Variants in WDR59 observed in about 807,000 individuals in gnomAD.
WDR59 encodes the protein WD repeat domain 59.
A neutral mutation model predicts 131.2 loss-of-function variants in WDR59; 100 were observed. That is an observed-to-expected ratio of 0.76 (90% CI 0.65 to 0.90). The LOEUF is 0.90. Among genes scored for constraint, WDR59 ranks in the 40% least tolerant of loss-of-function variants. The probability of loss-of-function intolerance (pLI) is 0.00; values close to 1 mark genes in which losing one functional copy is unlikely to be tolerated. For synonymous variants in WDR59, 601 were observed against 466.2 expected, an observed-to-expected ratio of 1.29 and a Z score of -3.72; for missense variants, 1,203 against 1,262.2, an observed-to-expected ratio of 0.95 and a Z score of 0.71.
chr16:74,926,848 T>C (rs979613568), intron 8 of WDR59, among the ~76,000 whole-genome samples: 3 of 152,184 alleles, frequency 2.0e-5, no homozygotes, highest in African/African-American at 7.2e-5. Flanking sequence ...TGGGTGACTT[T>C]TTCTCCTCTC....
rs138440641 is a variant in WDR59, at chr16:74,917,734, G to T, written c.966+195C>A. ...TGACGCAGGAGAATCGCTTGAACCC[G>T]GGAGGCAGAGGTTGCAGTGAGCCAA... On this transcript the variant is annotated intron_variant, in intron 11 of 25. Transcript: ENST00000262144. 7.6e-3 allele frequency among the ~76,000 whole-genome samples: 1,142 copies of T among 149,762 alleles called. 16 individuals are homozygous for T. Among genetic ancestry groups the T allele is most frequent in the African/African-American group, 0.027 (1,089 of 40,750 alleles).
Position 74,921,973 on chromosome 16 carries a change from T to C in WDR59, c.860A>G (p.Glu287Gly), listed in dbSNP as rs1368670525. Reference sequence around the variant, plus strand: ...TTCCTTCTGCTTCCTCCACTGGAACTCCAGGACCACATCATCATGCCCCAC... The same window carrying C: ...TTCCTTCTGCTTCCTCCACTGGAACCCCAGGACCACATCATCATGCCCCAC... ...TFVGHDDVVL[E>G]FQWRKQKEGS... The change falls in exon 10 of 26, where the codon GAG (glutamate) becomes GGG (glycine). Residue 287 changes from glutamate to glycine, a missense_variant. By Grantham distance (98) the Glu-to-Gly change is moderately conservative. Transcript: ENST00000262144. 2.5e-6 allele frequency: 4 copies of C among 1,614,138 alleles called. No homozygotes were observed. The highest frequency in any genetic ancestry group is 3.4e-6 in the Non-Finnish European group (4 of 1,180,018).
intron 3 of WDR59, among the ~76,000 whole-genome samples, chr16:74,954,476 A>G (rs1476738962): frequency 6.6e-6 from 1 of 152,176 alleles, no homozygotes; most frequent in Non-Finnish European, 1.5e-5. Context: ...GGATGGCTAT[A>G]ATTTTTTTAA....
rs189423890 is a variant in WDR59, at chr16:74,925,989, A to T, written c.652-1986T>A. Among the ~76,000 whole-genome samples, 20 of 102,082 alleles carry T rather than the reference A, an allele frequency of 2.0e-4. No homozygotes were observed. In the East Asian group the frequency reaches 5.9e-3, roughly 30 times the overall value. 67.0% of individuals were successfully genotyped at this position (102,082 alleles called of 152,430 possible). A position where few individuals can be genotyped will look rare whatever the true frequency, so the allele number is the denominator to read the frequency against. On this transcript the variant is annotated intron_variant, in intron 8 of 25. Coordinates refer to ENST00000262144, the MANE Select transcript of WDR59 (RefSeq NM_030581.4). Reference sequence around the variant, plus strand: ...AACAGAGCACGATCCTGTCTCAAAAAAAAATGTTTTTAATAAAAAAAAAAA... The same window carrying T: ...AACAGAGCACGATCCTGTCTCAAAATAAAATGTTTTTAATAAAAAAAAAAA...
At chr16:74,941,784 A>G (rs2032251166) in intron 7 of WDR59, among the ~76,000 whole-genome samples, 1 of 152,046 alleles carries the variant, frequency 6.6e-6, no homozygotes, top group Non-Finnish European at 1.5e-5. Context: ...CTTCTGCCAC[A>G]TAAGGCTTCC....
intron 25 of WDR59, among the ~76,000 whole-genome samples, chr16:74,877,012 G>A (rs1005707332): frequency 2.6e-5 from 4 of 151,910 alleles, no homozygotes; most frequent in Non-Finnish European, 4.4e-5. Flanking sequence ...GGAGGCTGGG[G>A]CTACACTAGA....
At chr16:74,907,677 A>C (rs970992412) in intron 17 of WDR59, among the ~76,000 whole-genome samples, 2 of 152,164 alleles carry the variant, frequency 1.3e-5, no homozygotes, top group Non-Finnish European at 2.9e-5. Context: ...TGCAGCAGGG[A>C]GGTTTGCAAC....
intron 8 of WDR59, among the ~76,000 whole-genome samples, chr16:74,935,865 C>T (rs904572189): frequency 1.3e-5 from 2 of 151,992 alleles, no homozygotes; most frequent in East Asian, 1.9e-4. Context: ...GACATGGTGG[C>T]ATGCACCTAT....
intron 1 of WDR59, chr16:74,979,206 C>T (rs575171068): frequency 7.5e-4 from 8 of 10,616 alleles, no homozygotes; most frequent in Admixed American, 4.3e-3. Context: ...CTGGGCCAGG[C>T]GCGGTGGCAG....
intron 25 of WDR59, among the ~76,000 whole-genome samples, chr16:74,881,872 CAAA>C (rs1231563634): frequency 4.1e-5 from 2 of 48,452 alleles, no homozygotes; most frequent in Admixed American, 2.3e-4. Context: ...GACTCCGTCT[CAAA>C]AAAAAAAAAA....
At chr16:74,973,659 C>T (rs1292098634) in intron 1 of WDR59, among the ~76,000 whole-genome samples, 1 of 152,220 alleles carries the variant, frequency 6.6e-6, no homozygotes, top group Non-Finnish European at 1.5e-5. Flanking sequence ...TTCACACGCT[C>T]AGCAATAGGG....
At position 74,885,674 on chromosome 16, in the gene WDR59, G is replaced by A; in HGVS notation, c.2668C>T (p.Pro890Ser). 1.9e-6 allele frequency: 3 copies of A among 1,614,016 alleles called. No individual in the cohort carries two copies. Among genetic ancestry groups the A allele is most frequent in the Non-Finnish European group, 2.5e-6 (3 of 1,179,992 alleles). Residue 890 changes from proline (P) to serine (S), a missense_variant, in exon 25 of 26, where the codon CCT (proline) becomes TCT (serine). Transcript: ENST00000262144. ...AEVLKFVSCP[P>S]DPHKGIEFGV... Reference sequence around the variant, plus strand: ...TCACCGATCCCTTTGTGAGGGTCAGGAGGACAGGAGACAAACTTCAACACT... The same window carrying A: ...TCACCGATCCCTTTGTGAGGGTCAGAAGGACAGGAGACAAACTTCAACACT...
rs150941812 is a variant in WDR59 at position 74,890,421 on chromosome 16, G to A, written c.2083-606C>T. 1.7e-4 allele frequency among the ~76,000 whole-genome samples: 26 copies of A among 152,304 alleles called. No homozygotes were observed. In the East Asian group the frequency reaches 4.6e-3, roughly 27 times the overall value. On this transcript the variant is annotated intron_variant, in intron 20 of 25. Coordinates refer to ENST00000262144, the MANE Select transcript of WDR59 (RefSeq NM_030581.4). ...CTGCCTCAGCCCCAAAAAGTGCTGG[G>A]ATTACAGGTGTGAGCCACTGCACCC...
chr16:74,879,646 G>T (rs8062012), intron 25 of WDR59, among the ~76,000 whole-genome samples: 1 of 151,894 alleles, frequency 6.6e-6, no homozygotes, highest in South Asian at 2.1e-4. Flanking sequence ...AGTTTAACAC[G>T]TTATATACAT....
At position 74,942,730 on chromosome 16, in the gene WDR59, T is replaced by A. The variant is rs2032330002; in HGVS notation, c.534+8A>T. ...AGACCAATAAGGGCGAAAAAAGAGA[T>A]TACTCACCCTCTTATCCCATATCCG... is the stretch of plus-strand genomic sequence containing the variant. On this transcript the variant is annotated splice_region_variant and intron_variant, in intron 7 of 25. Coordinates refer to ENST00000262144, the MANE Select transcript of WDR59 (RefSeq NM_030581.4). The A allele has an allele frequency of 6.2e-7, 1 of 1,613,378 alleles. No individual in the cohort carries two copies. The highest frequency in any genetic ancestry group is 2.2e-5 in the East Asian group (1 of 44,858).
intron 8 of WDR59, among the ~76,000 whole-genome samples, chr16:74,933,438 A>G (rs922212633): frequency 1.3e-5 from 2 of 151,566 alleles, no homozygotes; most frequent in African/African-American, 4.9e-5. Flanking sequence ...AAATACTGTT[A>G]CTTTTTGTGT....
chr16:74,921,876 T>G, intron 10 of WDR59, 71 bp downstream of exon 10: 4 of 1,540,962 alleles, frequency 2.6e-6, no homozygotes, highest in Non-Finnish European at 3.5e-6. Flanking sequence ...CTGGACTCCA[T>G]GGCAACACTG....
chr16:74,883,087 C>T (rs549041231), intron 25 of WDR59, among the ~76,000 whole-genome samples: 1 of 140,520 alleles, frequency 7.1e-6, no homozygotes, highest in East Asian at 2.2e-4. Context: ...TGCAGTGGCA[C>T]AATCTCGGCT....
chr16:74,943,460 T>C (rs2032385158), intron 6 of WDR59, among the ~76,000 whole-genome samples: 1 of 152,078 alleles, frequency 6.6e-6, no homozygotes, highest in African/African-American at 2.4e-5. Flanking sequence ...TCCTTTTCCC[T>C]CTCTGCCAAT....
Sources: allele counts gnomAD v4.1 joint callset (sites outside exome capture counted in the v4.1 genomes callset), GRCh38; gene constraint gnomAD v4.1.1; transcripts MANE v1.5; gene names NCBI Gene and HGNC (gene_info 2026-07-23, HGNC 2026-07-21).